DBNDD1: variants seen among roughly 807,000 people sequenced by gnomAD.
The protein encoded by DBNDD1 is dysbindin domain-containing protein 1.
A neutral mutation model predicts 17.0 loss-of-function variants in DBNDD1; 14 were observed. The observed-to-expected ratio is 0.82, with a 90% CI of 0.54 to 1.29. DBNDD1 has a LOEUF of 1.29. Ranked by LOEUF, DBNDD1 falls within the 50% of genes most tolerant of loss-of-function variation. The pLI is 0.00. For missense variants in DBNDD1, 221 were observed against 216.2 expected, an observed-to-expected ratio of 1.02 and a Z score of -0.14; for synonymous variants, 105 against 102.0, an observed-to-expected ratio of 1.03 and a Z score of -0.18.
At position 90,014,417 on chromosome 16, in the gene DBNDD1, G is replaced by A. The variant is rs536412803; in HGVS notation, c.31+4894C>T. 7.5e-4 allele frequency among the ~76,000 whole-genome samples: 114 copies of A among 152,194 alleles called. 3 individuals are homozygous for A. The highest frequency in any genetic ancestry group is 2.5e-3 in the African/African-American group (104 of 41,542). The stretch of plus-strand genomic sequence containing the variant: ...TGGGATTATAGGTGTGAGCCACCGT[G>A]CCGGGCCAATACCTGCATTTTTACG... On this transcript the variant is annotated intron_variant, in intron 1 of 3. Transcript: ENST00000002501.
rs1253931455 is a variant in DBNDD1 at position 90,005,329 on chromosome 16, C to G, written c.*1006G>C. The G allele has an allele frequency of 6.6e-6, 1 of 152,304 alleles. No individual in the cohort carries two copies. Among genetic ancestry groups the G allele is most frequent in the African/African-American group, 2.4e-5 (1 of 41,448 alleles). 9.4% of individuals were successfully genotyped at this position (152,304 alleles called of 1,614,324 possible). A position where few individuals can be genotyped will look rare whatever the true frequency, so the allele number is the denominator to read the frequency against. ...CTTGCTGTCAGGCAAGAAGCCCATT[C>G]TGTGAGCTTCAGCATATAAGCATTG... On this transcript the variant is annotated 3_prime_UTR_variant, in exon 4 of 4. Transcript: ENST00000002501.
intron 1 of DBNDD1, among the ~76,000 whole-genome samples, chr16:90,014,003 G>T (rs2035598429): frequency 6.6e-6 from 1 of 152,128 alleles, no homozygotes; most frequent in Admixed American, 6.5e-5. Flanking sequence ...CAGGGCAGGG[G>T]TGGTGTGTGC....
chr16:90,006,215 C>A lies in DBNDD1; in HGVS notation c.*120G>T. The A allele has an allele frequency of 7.4e-7, 1 of 1,351,522 alleles. No homozygotes were observed. Among genetic ancestry groups the A allele is most frequent in the South Asian group, 1.4e-5 (1 of 70,442 alleles). 83.7% of individuals were successfully genotyped at this position (1,351,522 alleles called of 1,614,324 possible). A position where few individuals can be genotyped will look rare whatever the true frequency, so the allele number is the denominator to read the frequency against. On this transcript the variant is annotated 3_prime_UTR_variant, in exon 4 of 4. Coordinates refer to ENST00000002501, the MANE Select transcript of DBNDD1 (RefSeq NM_001042610.3). Reference sequence around the variant, plus strand: ...AGAGAGCTGCCCCCAGGGTGTGTGTCAGGAGGTGACGGCTGGAGCCTCGTG... The same window carrying A: ...AGAGAGCTGCCCCCAGGGTGTGTGTAAGGAGGTGACGGCTGGAGCCTCGTG...
chr16:90,011,892 C>T (rs771708968), intron 1 of DBNDD1, among the ~76,000 whole-genome samples: 1 of 152,158 alleles, frequency 6.6e-6, no homozygotes. Context: ...TTGTCCATAG[C>T]GCTGAGGGGG....
At chr16:90,019,625 C>T, upstream of DBNDD1, 1 of 405,930 alleles carries the variant, frequency 2.5e-6, no homozygotes. The surrounding 1 kb of genome is among the most constrained non-coding windows in gnomAD (Gnocchi z 6.1). Flanking sequence ...ACCCCTCCCC[C>T]GCCGACCCTT....
At chr16:90,017,962 T>C (rs62054583) in intron 1 of DBNDD1, among the ~76,000 whole-genome samples, 8,010 of 152,314 alleles carry the variant, frequency 0.053, 293 homozygotes, top group East Asian at 0.14. Flanking sequence ...GAACCTGCTT[T>C]CTCTGCCTTT....
intron 1 of DBNDD1, among the ~76,000 whole-genome samples, chr16:90,017,292 G>A (rs977157308): frequency 2.0e-5 from 3 of 152,134 alleles, no homozygotes; most frequent in Non-Finnish European, 4.4e-5. Context: ...TCAGGAGATC[G>A]AGATCATCCT....
At chr16:90,011,164 G>A (rs1216559974) in intron 1 of DBNDD1, among the ~76,000 whole-genome samples, 2 of 152,244 alleles carry the variant, frequency 1.3e-5, no homozygotes, top group Non-Finnish European at 2.9e-5. Context: ...AGCACTGATC[G>A]TAGCTGGGTG....
intron 1 of DBNDD1, chr16:90,011,507 G>A: frequency 5.4e-6 from 2 of 373,618 alleles, no homozygotes; most frequent in Non-Finnish European, 1.1e-5. Flanking sequence ...GTTAGGCTGT[G>A]CCTGGGGGCA....
At chr16:90,012,944 C>T (rs1255971364) in intron 1 of DBNDD1, among the ~76,000 whole-genome samples, 2 of 151,886 alleles carry the variant, frequency 1.3e-5, no homozygotes, top group East Asian at 3.9e-4. Context: ...TGCCATGTTG[C>T]CCAGGCTGGT....
intron 3 of DBNDD1, 136 bp from the exon 4 acceptor site, chr16:90,006,628 A>G: frequency 1.7e-6 from 2 of 1,154,714 alleles, no homozygotes; most frequent in South Asian, 1.5e-5. Flanking sequence ...GCATGCACAC[A>G]TCTACCTCTA....
Position 90,009,499 on chromosome 16 carries a change from G to C in DBNDD1, c.32-69C>G, listed in dbSNP as rs773360073. 1.9e-6 allele frequency: 3 copies of C among 1,589,458 alleles called. No homozygotes were observed. The African/African-American group carries it at 4.0e-5, about 21-fold the overall frequency. On this transcript the variant is annotated intron_variant, in intron 1 of 3. Transcript: ENST00000002501. ...CCACATCCCCCCAGGACGCGGGGCT[G>C]GGTGTGAGGACTTGGCACATCCAGT...
chr16:90,015,195 T>C (rs1327673255), intron 1 of DBNDD1, among the ~76,000 whole-genome samples: 1 of 151,988 alleles, frequency 6.6e-6, no homozygotes, highest in Non-Finnish European at 1.5e-5. Context: ...CCGTGGTCTG[T>C]GTTGGGGCTT....
chr16:90,015,161 G>T (rs2151264818), intron 1 of DBNDD1, among the ~76,000 whole-genome samples: 1 of 152,222 alleles, frequency 6.6e-6, no homozygotes, highest in South Asian at 2.1e-4. Flanking sequence ...CTTTGGCCTG[G>T]TCTTTATTCT....
In DBNDD1 at chr16:90,005,968, G is replaced by A. The variant is rs938014932; in HGVS notation, c.*367C>T. The stretch of plus-strand genomic sequence containing the variant: ...GGGTCCCCTTCACCCCAAGGCCGCC[G>A]TGGGCCACTCCATTCCTCAGCACGT... On this transcript the variant is annotated 3_prime_UTR_variant, in exon 4 of 4. Transcript: ENST00000002501. The A allele has an allele frequency of 3.5e-5, 7 of 199,984 alleles. No homozygotes were observed. The highest frequency in any genetic ancestry group is 1.6e-4 in the African/African-American group (7 of 44,400). The allele number at this position is 199,984 out of a possible 1,614,324, so 12.4% of individuals were successfully genotyped here. A position where few individuals can be genotyped will look rare whatever the true frequency, so the allele number is the denominator to read the frequency against.
intron 1 of DBNDD1, among the ~76,000 whole-genome samples, chr16:90,012,707 C>T (rs1212541697): frequency 2.6e-5 from 4 of 151,976 alleles, no homozygotes; most frequent in Non-Finnish European, 5.9e-5. Flanking sequence ...GATCCGTCTG[C>T]CTCGGCCTCC....
intron 1 of DBNDD1, chr16:90,011,564 A>AT (rs1318502444): frequency 1.2e-5 from 5 of 432,532 alleles, no homozygotes; most frequent in South Asian, 8.3e-5. Flanking sequence ...CCGTGTGGTC[A>AT]TTCTGTGTGG....
chr16:90,009,284 GCCT>G lies in DBNDD1; in HGVS notation c.175_177del (p.Arg59del). 6.2e-7 allele frequency: 1 copy of G among 1,613,096 alleles called. No individual in the cohort carries two copies. Among genetic ancestry groups the G allele is most frequent in the Non-Finnish European group, 8.5e-7 (1 of 1,179,928 alleles). On this transcript the variant is annotated inframe_deletion and splice_region_variant, in exon 2 of 4. Coordinates refer to ENST00000002501, the MANE Select transcript of DBNDD1 (RefSeq NM_001042610.3). ...GCGCTGGGCAGGGAGCAGTACTTACGCCTCCTCTCCGTGACCTGCAGGAGCCCC... is the reference window on the plus strand; with the variant it reads ...GCGCTGGGCAGGGAGCAGTACTTACGCCTCTCCGTGACCTGCAGGAGCCCC...
chr16:90,008,999 G>C (rs2035497556), intron 2 of DBNDD1, 75 bp from the exon 3 acceptor site: 2 of 1,460,316 alleles, frequency 1.4e-6, no homozygotes, highest in Admixed American at 2.4e-5. Context: ...GTCTAGGAGA[G>C]AGTGTGCTGT....
Sources: gnomAD v4.1 joint callset for allele counts (sites outside exome capture counted in the v4.1 genomes callset) on GRCh38, gnomAD v4.1.1 for gene constraint, Gnocchi (gnomAD v3.1) non-coding constraint, MANE v1.5 for transcripts, NCBI Gene and HGNC (gene_info 2026-07-23, HGNC 2026-07-21) for gene names.